SNTG2: variants seen among roughly 807,000 people sequenced by gnomAD.
The protein encoded by SNTG2 is gamma-2-syntrophin.
In SNTG2, 74 loss-of-function variants were observed where a neutral mutation model predicts 70.9. The observed-to-expected ratio is 1.04, with a 90% CI of 0.86 to 1.27. The LOEUF (loss-of-function observed/expected upper bound fraction) is 1.27, where lower values mean the gene tolerates loss of function less well. Ranked by LOEUF, SNTG2 falls within the 50% of genes most tolerant of loss-of-function variation. The pLI is 0.00. For missense variants in SNTG2, 717 were observed against 690.7 expected, an observed-to-expected ratio of 1.04 and a Z score of -0.43; for synonymous variants, 278 against 273.8, an observed-to-expected ratio of 1.02 and a Z score of -0.15.
In SNTG2 at chr2:1,209,231, GT is replaced by G. The variant is rs1458227250; in HGVS notation, c.719+2del. 6.2e-7 allele frequency: 1 copy of G among 1,613,944 alleles called. No homozygotes were observed. The highest frequency in any genetic ancestry group is 8.5e-7 in the Non-Finnish European group (1 of 1,179,884). ...ACAAAGCCGGAACGGAAAAATTAAG[GT>G]GTGTGACCATTGTCTGAGATGGGAA... is the stretch of plus-strand genomic sequence containing the variant. On this transcript the variant is annotated splice_donor_variant, in intron 9 of 16. Transcript: ENST00000308624. LOFTEE classifies it high-confidence loss of function.
At chr2:1,308,467 T>G (rs775655858) in intron 14 of SNTG2, 27 bp from the exon 15 acceptor site, 1 of 1,541,624 alleles carries the variant, frequency 6.5e-7, no homozygotes, top group South Asian at 1.2e-5. Context: ...TAAAGAATGT[T>G]TTCTCAAAAT....
Position 1,247,444 on chromosome 2 carries a change from G to GA in SNTG2, c.1005+1_1005+2insA. 1 of 1,605,346 alleles carries GA rather than the reference G, an allele frequency of 6.2e-7. No homozygotes were observed. Among genetic ancestry groups the GA allele is most frequent in the East Asian group, 2.2e-5 (1 of 44,844 alleles). On this transcript the variant is annotated splice_donor_variant, in intron 12 of 16. Transcript: ENST00000308624. LOFTEE classifies it high-confidence loss of function. ...CTTCTACGTTTTCAGCACTCCTCCG[G>GA]TAAGGATGCTTTTGACACTCCACAG...
chr2:1,048,970 T>C (rs1340028621), intron 1 of SNTG2, among the ~76,000 whole-genome samples: 1 of 152,208 alleles, frequency 6.6e-6, no homozygotes, highest in Non-Finnish European at 1.5e-5. Context: ...CATAGCCTTT[T>C]TATTTTGGGT....
At chr2:1,067,340 C>T (rs1356505896) in intron 1 of SNTG2, among the ~76,000 whole-genome samples, 3 of 152,136 alleles carry the variant, frequency 2.0e-5, no homozygotes, top group African/African-American at 4.8e-5. Context: ...GTTAGTACTT[C>T]ACATATTCTA....
chr2:1,126,597 AGT>A (rs1667711672), intron 4 of SNTG2, among the ~76,000 whole-genome samples: 11 of 152,160 alleles, frequency 7.2e-5, no homozygotes, highest in Admixed American at 7.2e-4. Context: ...TACCACCAGC[AGT>A]GTGAGTTTCC....
At chr2:1,095,299 A>G (rs905954365) in intron 2 of SNTG2, among the ~76,000 whole-genome samples, 2 of 152,174 alleles carry the variant, frequency 1.3e-5, no homozygotes, top group Non-Finnish European at 2.9e-5. Flanking sequence ...GGCTCACAGT[A>G]CAGCTCTCAC....
chr2:1,163,311 A>G (rs561326809), intron 6 of SNTG2: 18 of 146,464 alleles, frequency 1.2e-4, no homozygotes, highest in Non-Finnish European at 2.9e-5. Context: ...AGGCCTCCCA[A>G]TAGGAAGTGG....
intron 8 of SNTG2, among the ~76,000 whole-genome samples, chr2:1,183,115 G>A (rs542054795): frequency 6.6e-6 from 1 of 152,274 alleles, no homozygotes; most frequent in African/African-American, 2.4e-5. Context: ...AATTTCACAT[G>A]AATGAGAGTC....
chr2:1,039,279 G>A (rs1287326481), intron 1 of SNTG2, among the ~76,000 whole-genome samples: 1 of 152,182 alleles, frequency 6.6e-6, no homozygotes, highest in African/African-American at 2.4e-5. Flanking sequence ...TCTGAAATAT[G>A]TGTACAAGCC....
intron 16 of SNTG2, among the ~76,000 whole-genome samples, chr2:1,364,552 C>G (rs950692234): frequency 2.9e-4 from 43 of 150,806 alleles, no homozygotes; most frequent in Non-Finnish European, 1.2e-4. Context: ...GTCAGGAAAT[C>G]GAGACCATCC....
At chr2:964,949 G>A (rs1290362130) in intron 1 of SNTG2, among the ~76,000 whole-genome samples, 2 of 152,090 alleles carry the variant, frequency 1.3e-5, no homozygotes, top group African/African-American at 4.8e-5. Context: ...CCTGTGCCCT[G>A]GTTCTGGTCC....
At position 1,103,897 on chromosome 2, in the gene SNTG2, A is replaced by G. The variant is rs1665952213; in HGVS notation, c.325+5487A>G. Among the ~76,000 whole-genome samples the G allele has an allele frequency of 3.3e-5, 5 of 152,256 alleles. No individual in the cohort carries two copies. In the South Asian group the frequency reaches 1.0e-3, roughly 32 times the overall value. On this transcript the variant is annotated intron_variant, in intron 4 of 16. Coordinates refer to ENST00000308624, the MANE Select transcript of SNTG2 (RefSeq NM_018968.4). ...TAGACTGATTTCTTGCTTTCAGAGCATGTACATTATAGTCGGAGAAGATAA... is the reference window on the plus strand; with the variant it reads ...TAGACTGATTTCTTGCTTTCAGAGCGTGTACATTATAGTCGGAGAAGATAA...
intron 8 of SNTG2, among the ~76,000 whole-genome samples, chr2:1,197,521 G>A (rs372508434): frequency 0.012 from 1,134 of 93,348 alleles, 9 homozygotes; most frequent in East Asian, 0.062. Context: ...ATATATGTGT[G>A]TGTGTGTGTG....
At position 986,107 on chromosome 2, in the gene SNTG2, G is replaced by GAGAT. The variant is rs752541289; in HGVS notation, c.72+35040_72+35043dup. 5.2e-3 allele frequency among the ~76,000 whole-genome samples: 743 copies of GAGAT among 144,158 alleles called. 5 individuals are homozygous for GAGAT. The highest frequency in any genetic ancestry group is 8.2e-3 in the Non-Finnish European group (540 of 65,642). The allele number at this position is 144,158 out of a possible 152,430, so 94.6% of individuals were successfully genotyped here. On this transcript the variant is annotated intron_variant, in intron 1 of 16. Coordinates refer to ENST00000308624, the MANE Select transcript of SNTG2 (RefSeq NM_018968.4). ...AGAGAGAGAGAGAGAGAGAGAGAGA[G>GAGAT]AGATCAGAGGATTTCCCATGTGCTG...
chr2:1,243,560 G>A (rs1313436134), intron 11 of SNTG2, among the ~76,000 whole-genome samples: 8 of 152,182 alleles, frequency 5.3e-5, no homozygotes, highest in Admixed American at 3.3e-4. Flanking sequence ...CTTTCTACTC[G>A]CCCTTGATCT....
chr2:1,359,223 G>A (rs1195657996), intron 16 of SNTG2, among the ~76,000 whole-genome samples: 1 of 152,090 alleles, frequency 6.6e-6, no homozygotes, highest in Non-Finnish European at 1.5e-5. Context: ...AACATAGTTT[G>A]TGTTCACCGA....
intron 9 of SNTG2, among the ~76,000 whole-genome samples, chr2:1,228,268 A>T (rs999479527): frequency 6.6e-6 from 1 of 152,224 alleles, no homozygotes; most frequent in Non-Finnish European, 1.5e-5. Flanking sequence ...TGGCTTTGAC[A>T]TTTACAAAAT....
chr2:952,751 G>A (rs10176353), intron 1 of SNTG2, among the ~76,000 whole-genome samples: 26,250 of 152,174 alleles, frequency 0.17, 2,669 homozygotes, highest in Non-Finnish European at 0.23. Flanking sequence ...AAGTAATTAG[G>A]TATGTGCTAA....
chr2:980,651 G>A (rs1485881893), intron 1 of SNTG2, among the ~76,000 whole-genome samples: 1 of 151,574 alleles, frequency 6.6e-6, no homozygotes, highest in African/African-American at 2.4e-5. Context: ...GTATGTGTAA[G>A]TATATTATTA....
Sources: gnomAD v4.1 joint callset for allele counts (sites outside exome capture counted in the v4.1 genomes callset) on GRCh38, gnomAD v4.1.1 for gene constraint, MANE v1.5 for transcripts, NCBI Gene and HGNC (gene_info 2026-07-23, HGNC 2026-07-21) for gene names.